TIAM1: variants seen among roughly 807,000 people sequenced by gnomAD.
TIAM1 encodes the protein rho guanine nucleotide exchange factor TIAM1.
TIAM1 carries 65 observed loss-of-function variants against 163.5 expected under a neutral mutation model. The ratio of observed to expected loss-of-function variants is 0.40; its 90% CI spans 0.33 to 0.49. TIAM1 has a LOEUF of 0.49. Among genes scored for constraint, TIAM1 ranks in the 20% least tolerant of loss-of-function variants. TIAM1 has a pLI of 0.77. For synonymous variants in TIAM1, 833 were observed against 810.1 expected, an observed-to-expected ratio of 1.03 and a Z score of -0.48; for missense variants, 1,789 against 2,044.7, an observed-to-expected ratio of 0.87 and a Z score of 2.41.
At chr21:31,167,405 C>T (rs981939799) in intron 15 of TIAM1, among the ~76,000 whole-genome samples, 1 of 152,054 alleles carries the variant, frequency 6.6e-6, no homozygotes, top group Non-Finnish European at 1.5e-5. Context: ...TTAATAATAC[C>T]GTTGAGAGCC....
intron 2 of TIAM1, among the ~76,000 whole-genome samples, chr21:31,284,700 T>G (rs1224536100): frequency 6.6e-6 from 1 of 151,842 alleles, no homozygotes; most frequent in Non-Finnish European, 1.5e-5. Context: ...TTTTTGTATT[T>G]TTTTTAGTAG....
chr21:31,288,544 G>A (rs1335966802), intron 2 of TIAM1, among the ~76,000 whole-genome samples: 4 of 151,990 alleles, frequency 2.6e-5, no homozygotes, highest in Non-Finnish European at 4.4e-5. Context: ...ACCTAATCAC[G>A]TCCTAAAGGC....
Position 31,133,530 on chromosome 21 carries a change from T to A in TIAM1, c.3883+2403A>T, listed in dbSNP as rs564313212. ...GAACAGAGTAATGTAGAGTCCACTA[T>A]CGGAGCCTGTGCAGAAAGTGGTACC... On this transcript the variant is annotated intron_variant, in intron 23 of 27. Coordinates refer to ENST00000541036, the MANE Select transcript of TIAM1 (RefSeq NM_001353694.2). Among the ~76,000 whole-genome samples the A allele has an allele frequency of 3.6e-3, 543 of 152,298 alleles. 2 individuals are homozygous for A. The highest frequency in any genetic ancestry group is 5.9e-3 in the Non-Finnish European group (404 of 68,022).
At chr21:31,146,120 T>C (rs1425009206) in intron 20 of TIAM1, among the ~76,000 whole-genome samples, 2 of 152,136 alleles carry the variant, frequency 1.3e-5, no homozygotes, top group African/African-American at 4.8e-5. Context: ...AATAGCAAGG[T>C]AAAACTTTCA....
Position 31,449,044 on chromosome 21 carries a change from C to T in TIAM1, c.-369+14939G>A, listed in dbSNP as rs1268537257. ...GCCATGGTACCATCATGGCTCACTG[C>T]AGCCTCAACTTCCCAGGCCAGGTGA... On this transcript the variant is annotated intron_variant, in intron 2 of 28. Transcript: ENST00000286827. Among the ~76,000 whole-genome samples, 12 of 152,082 alleles carry T rather than the reference C, an allele frequency of 7.9e-5. 1 individual carries two copies. Among genetic ancestry groups the T allele is most frequent in the Non-Finnish European group, 1.6e-4 (11 of 68,024 alleles).
intron 22 of TIAM1, among the ~76,000 whole-genome samples, chr21:31,136,861 C>T: frequency 6.6e-6 from 1 of 152,208 alleles, no homozygotes; most frequent in East Asian, 1.9e-4. Flanking sequence ...TTCTTCCAAT[C>T]CATTTCAAAG....
intron 4 of TIAM1, among the ~76,000 whole-genome samples, chr21:31,262,520 G>A (rs939849277): frequency 6.6e-6 from 1 of 152,182 alleles, no homozygotes; most frequent in African/African-American, 2.4e-5. Flanking sequence ...CGCACATGTG[G>A]ATGCACAACA....
At chr21:31,203,081 C>G in intron 11 of TIAM1, 69 bp from the exon 12 acceptor site, 1 of 1,232,370 alleles carries the variant, frequency 8.1e-7, no homozygotes, top group Non-Finnish European at 1.2e-6. Flanking sequence ...TAGTTCTCCA[C>G]CAACATACGA....
Position 31,203,030 on chromosome 21 carries a change from G to A in TIAM1, c.2389-18C>T. On this transcript the variant is annotated intron_variant, in intron 11 of 27. Transcript: ENST00000541036. Reference sequence around the variant, plus strand: ...TGATGTGTCTGGGACAAAAAAGAAAGAAAGAAAGAAAATGTCTGTTCAATA... The same window carrying A: ...TGATGTGTCTGGGACAAAAAAGAAAAAAAGAAAGAAAATGTCTGTTCAATA... 6.3e-7 allele frequency: 1 copy of A among 1,594,102 alleles called. No individual in the cohort carries two copies. Among genetic ancestry groups the A allele is most frequent in the Non-Finnish European group, 8.6e-7 (1 of 1,164,110 alleles).
intron 2 of TIAM1, among the ~76,000 whole-genome samples, chr21:31,449,478 A>G (rs1400628549): frequency 6.6e-6 from 1 of 152,026 alleles, no homozygotes; most frequent in African/African-American, 2.4e-5. Flanking sequence ...TCCCAGGTTC[A>G]AGCGATTCTC....
At chr21:31,175,881 G>A (rs2084740725) in intron 15 of TIAM1, among the ~76,000 whole-genome samples, 1 of 152,212 alleles carries the variant, frequency 6.6e-6, no homozygotes, top group East Asian at 1.9e-4. Context: ...TGACAGGTGT[G>A]AGCCACTGCG....
intron 2 of TIAM1, among the ~76,000 whole-genome samples, chr21:31,363,154 TG>T (rs1338819177): frequency 6.6e-6 from 1 of 152,128 alleles, no homozygotes; most frequent in Non-Finnish European, 1.5e-5. Flanking sequence ...ATTTTAAAAC[TG>T]CGGACGTCAG....
chr21:31,461,275 G>C (rs527922085), intron 2 of TIAM1, among the ~76,000 whole-genome samples: 29 of 152,244 alleles, frequency 1.9e-4, no homozygotes, highest in South Asian at 4.1e-4. Flanking sequence ...CTGGAGGTCA[G>C]GAGTTCGAAA....
At chr21:31,150,977 A>G (rs1041357117) in intron 19 of TIAM1, among the ~76,000 whole-genome samples, 3 of 152,364 alleles carry the variant, frequency 2.0e-5, no homozygotes, top group East Asian at 1.9e-4. Flanking sequence ...AAACAAGCAC[A>G]TAACAGAAGA....
At chr21:31,213,148 T>A (rs1240078728) in intron 10 of TIAM1, 2 of 412,114 alleles carry the variant, frequency 4.9e-6, no homozygotes, top group Non-Finnish European at 8.5e-6. Context: ...ACATTCTAGT[T>A]AGAAACTCAC....
rs1434842732 is a variant in TIAM1 at position 31,122,163 on chromosome 21, CCT to C, written c.4307-1328_4307-1327del. ...AGACCCCTGCGTGTCCATCACTATT[CCT>C]GAGTGTTCCGCCATCTAAAACTGTG... On this transcript the variant is annotated intron_variant, in intron 27 of 27. Coordinates refer to ENST00000541036, the MANE Select transcript of TIAM1 (RefSeq NM_001353694.2). Among the ~76,000 whole-genome samples the C allele has an allele frequency of 2.0e-5, 3 of 152,272 alleles. No homozygotes were observed. The South Asian group carries it at 6.2e-4, about 32-fold the overall frequency.
At chr21:31,175,104 G>A (rs1027358307) in intron 15 of TIAM1, among the ~76,000 whole-genome samples, 1 of 152,032 alleles carries the variant, frequency 6.6e-6, no homozygotes, top group African/African-American at 2.4e-5. Flanking sequence ...CACCACGCCT[G>A]GCTAATTTTT....
At chr21:31,147,056 T>C in intron 19 of TIAM1, 53 bp from the exon 20 acceptor site, 1 of 1,502,040 alleles carries the variant, frequency 6.7e-7, no homozygotes, top group Non-Finnish European at 9.3e-7. Flanking sequence ...CCACTGGAAA[T>C]ATCAGCAGGT....
At position 31,120,762 on chromosome 21, in the gene TIAM1, G is replaced by A. The variant is rs866713337; in HGVS notation, c.4382C>T (p.Ala1461Val). 1 of 1,613,988 alleles carries A rather than the reference G, an allele frequency of 6.2e-7. No individual in the cohort carries two copies. The highest frequency in any genetic ancestry group is 1.1e-5 in the South Asian group (1 of 91,078). Reference protein sequence around the residue: ...ARNRFTIDSDAVSASSPEKES... With the variant: ...ARNRFTIDSDVVSASSPEKES... ...TTTCTCCGGGCTGCTTGCGGAGACG[G>A]CATCAGAATCAATGGTAAACCTGTT... Residue 1461 changes from alanine (A) to valine (V), a missense_variant, in exon 28 of 28, where the codon GCC (alanine) becomes GTC (valine). Transcript: ENST00000541036. The surrounding 1 kb of genome is among the most constrained non-coding windows in gnomAD (Gnocchi z 4.2).
Sources: gnomAD v4.1 joint callset for allele counts (sites outside exome capture counted in the v4.1 genomes callset) on GRCh38, gnomAD v4.1.1 for gene constraint, Gnocchi (gnomAD v3.1) non-coding constraint, MANE v1.5 for transcripts, NCBI Gene and HGNC (gene_info 2026-07-23, HGNC 2026-07-21) for gene names.